The following C19orf18 variants were observed in gnomAD, a reference collection of about 807,000 sequenced individuals.
The protein encoded by C19orf18 is uncharacterized protein C19orf18.
In C19orf18, 21 loss-of-function variants were observed where a neutral mutation model predicts 23.3. The ratio of observed to expected loss-of-function variants is 0.90; its 90% CI spans 0.64 to 1.30. The LOEUF (loss-of-function observed/expected upper bound fraction) is 1.30, where lower values mean the gene tolerates loss of function less well. C19orf18 is among the 50% of genes most tolerant of loss of function. The probability of loss-of-function intolerance (pLI) is 0.00; values close to 1 mark genes in which losing one functional copy is unlikely to be tolerated. For missense variants in C19orf18, 249 were observed against 259.6 expected, an observed-to-expected ratio of 0.96 and a Z score of 0.28; for synonymous variants, 96 against 95.2, an observed-to-expected ratio of 1.01 and a Z score of -0.05.
Position 57,959,417 on chromosome 19 carries a change from G to C in C19orf18, c.533-700C>G, listed in dbSNP as rs371524684. Among the ~76,000 whole-genome samples the C allele has an allele frequency of 4.6e-5, 7 of 151,844 alleles. No homozygotes were observed. In the South Asian group the frequency reaches 1.5e-3, roughly 31 times the overall value. On this transcript the variant is annotated intron_variant, in intron 5 of 5. Coordinates refer to ENST00000314391, the MANE Select transcript of C19orf18 (RefSeq NM_152474.5). ...CAGGGCGGATCACTTGAAGTCAAGA[G>C]TTCGAGACCAGCCTGGCCAACATGG... is the stretch of plus-strand genomic sequence containing the variant.
chr19:57,962,785 A>G (rs965260554), intron 4 of C19orf18, among the ~76,000 whole-genome samples: 2 of 151,520 alleles, frequency 1.3e-5, no homozygotes, highest in Non-Finnish European at 2.9e-5. Flanking sequence ...TGAACCTGGG[A>G]GGCGGAGGTT....
intron 4 of C19orf18, 98 bp from the exon 5 acceptor site, chr19:57,961,649 G>T: frequency 2.2e-6 from 3 of 1,358,602 alleles, no homozygotes; most frequent in Non-Finnish European, 3.1e-6. Flanking sequence ...AGTCGCTTGT[G>T]GAGTGGGTGC....
At chr19:57,969,571 A>G (rs1372359498) in intron 3 of C19orf18, among the ~76,000 whole-genome samples, 2 of 121,010 alleles carry the variant, frequency 1.7e-5, no homozygotes, top group African/African-American at 5.5e-5. Context: ...AAACAGAAAA[A>G]AAAAAAAAAA....
At chr19:57,972,311 TC>T in intron 3 of C19orf18, 151 bp downstream of exon 3, 1 of 843,672 alleles carries the variant, frequency 1.2e-6, no homozygotes, top group Non-Finnish European at 1.8e-6. Context: ...TCACTGCGCA[TC>T]CCCCTCCAGA....
At chr19:57,961,328 A>C (rs1028921593) in intron 5 of C19orf18, 63 bp downstream of exon 5, 9 of 1,481,228 alleles carry the variant, frequency 6.1e-6, no homozygotes, top group African/African-American at 1.4e-5. Flanking sequence ...AAGAAAGAAA[A>C]GAAACGCAAG....
chr19:57,967,899 C>T (rs1023690221), intron 3 of C19orf18, among the ~76,000 whole-genome samples: 1 of 152,124 alleles, frequency 6.6e-6, no homozygotes, highest in African/African-American at 2.4e-5. Context: ...GTAATCCCAG[C>T]TACTCAGGAG....
intron 3 of C19orf18, among the ~76,000 whole-genome samples, chr19:57,970,039 G>C (rs113132432): frequency 1.1e-3 from 171 of 152,226 alleles, no homozygotes; most frequent in African/African-American, 4.0e-3. Flanking sequence ...CTTTCAACAG[G>C]ATAGCTGAAA....
At chr19:57,961,816 T>C (rs2072873875) in intron 4 of C19orf18, among the ~76,000 whole-genome samples, 1 of 152,178 alleles carries the variant, frequency 6.6e-6, no homozygotes, top group Admixed American at 6.5e-5. Flanking sequence ...GGTTCCAAAC[T>C]TAAGGTGTTG....
chr19:57,972,700 G>A (rs2072953288), intron 2 of C19orf18, among the ~76,000 whole-genome samples, 196 bp from the exon 3 acceptor site: 1 of 152,178 alleles, frequency 6.6e-6, no homozygotes, highest in East Asian at 1.9e-4. Context: ...GAAGCCTGGT[G>A]AGCCTGCTGT....
intron 4 of C19orf18, among the ~76,000 whole-genome samples, chr19:57,962,128 TCAAA>T (rs1201614151): frequency 2.2e-5 from 3 of 138,034 alleles, no homozygotes; most frequent in Non-Finnish European, 4.7e-5. Flanking sequence ...ACTCCTGGGT[TCAAA>T]CAGTCTTACC....
intron 4 of C19orf18, among the ~76,000 whole-genome samples, chr19:57,963,711 C>A (rs2072888944): frequency 6.6e-6 from 1 of 151,844 alleles, no homozygotes; most frequent in Admixed American, 6.6e-5. Context: ...CATGGTGAAA[C>A]CCCGTCTCTA....
Position 57,961,378 on chromosome 19 carries a change from C to G in C19orf18, c.532+13G>C. 1 of 1,596,474 alleles carries G rather than the reference C, an allele frequency of 6.3e-7. No individual in the cohort carries two copies. Among genetic ancestry groups the G allele is most frequent in the Non-Finnish European group, 8.5e-7 (1 of 1,171,488 alleles). ...TTGGCTTTCCTGCGAATAGCTCTTACAGGTCACACTACCTGAGTGGATGAA... is the reference window on the plus strand; with the variant it reads ...TTGGCTTTCCTGCGAATAGCTCTTAGAGGTCACACTACCTGAGTGGATGAA... On this transcript the variant is annotated intron_variant, in intron 5 of 5. Transcript: ENST00000314391.
In C19orf18 at chr19:57,966,610, A is replaced by C. The variant is rs773374058; in HGVS notation, c.291T>G (p.Ala97=). The C allele has an allele frequency of 6.2e-7, 1 of 1,612,830 alleles. No homozygotes were observed. Among genetic ancestry groups the C allele is most frequent in the South Asian group, 1.1e-5 (1 of 91,062 alleles). Residue 97 remains alanine (A), a synonymous_variant, in exon 4 of 6, where the codon GCT becomes GCG. Coordinates refer to ENST00000314391, the MANE Select transcript of C19orf18 (RefSeq NM_152474.5). ...TCGAAATTAAAATTACTTTAACAAG[A>C]GCAGGTCTATGCCGAATTATTGCTA... ...RNKAIIRHRP[A]LVKVILISSV...
chr19:57,966,683 T>A, intron 3 of C19orf18, 51 bp from the exon 4 acceptor site: 1 of 1,259,600 alleles, frequency 7.9e-7, no homozygotes, highest in East Asian at 2.3e-5. Context: ...ATTTTAGCTA[T>A]GTCTTTCAGT....
At chr19:57,971,573 C>A (rs557984809) in intron 3 of C19orf18, among the ~76,000 whole-genome samples, 3 of 152,142 alleles carry the variant, frequency 2.0e-5, no homozygotes, top group Admixed American at 1.3e-4. Flanking sequence ...CAGGTTCATG[C>A]GATTCTCCCG....
chr19:57,961,615 C>T, intron 4 of C19orf18, 64 bp from the exon 5 acceptor site: 1 of 1,569,996 alleles, frequency 6.4e-7, no homozygotes, highest in Non-Finnish European at 8.7e-7. Flanking sequence ...ATTTCTCAAC[C>T]ATGCCACTTT....
At position 57,958,620 on chromosome 19, in the gene C19orf18, T is replaced by G; in HGVS notation, c.630A>C (p.Gly210=). The change falls in exon 6 of 6, where the codon GGA becomes GGC. Residue 210 remains glycine, a synonymous_variant. Transcript: ENST00000314391. ...TCTGCGTTCACAAGTCTTCCATTTTTCCATTATGTGACGCATTCTTTGTTT... is the reference window on the plus strand; with the variant it reads ...TCTGCGTTCACAAGTCTTCCATTTTGCCATTATGTGACGCATTCTTTGTTT... The part of the protein sequence containing the change: ...ENKTKNASHN[G]KMEDL The G allele has an allele frequency of 6.2e-7, 1 of 1,605,118 alleles. No individual in the cohort carries two copies. Among genetic ancestry groups the G allele is most frequent in the African/African-American group, 1.3e-5 (1 of 74,750 alleles).
chr19:57,970,398 C>G (rs143654609), intron 3 of C19orf18, among the ~76,000 whole-genome samples: 2 of 152,256 alleles, frequency 1.3e-5, no homozygotes, highest in Non-Finnish European at 2.9e-5. Context: ...ATAAGTGAAA[C>G]CATAACTTCT....
In C19orf18 at chr19:57,958,732, T is replaced by G. The variant is rs369070371; in HGVS notation, c.533-15A>C. 8 of 1,381,678 alleles carry G rather than the reference T, an allele frequency of 5.8e-6. No homozygotes were observed. Among genetic ancestry groups the G allele is most frequent in the Middle Eastern group, 1.9e-4 (1 of 5,316 alleles). The allele number at this position is 1,381,678 out of a possible 1,614,324, so 85.6% of individuals were successfully genotyped here. On this transcript the variant is annotated splice_polypyrimidine_tract_variant and intron_variant, in intron 5 of 5. Transcript: ENST00000314391. ...TGATATAATAACTAAAATGTAGAAA[T>G]GATGTTATTGAGATAGTAATAAGTG...
Sources: gnomAD v4.1 joint callset for allele counts (sites outside exome capture counted in the v4.1 genomes callset) on GRCh38, gnomAD v4.1.1 for gene constraint, MANE v1.5 for transcripts, NCBI Gene and HGNC (gene_info 2026-07-23, HGNC 2026-07-21) for gene names.